Variants in LNPEP observed in about 807,000 individuals in gnomAD.
LNPEP encodes leucyl-cystinyl aminopeptidase.
A neutral mutation model predicts 120.6 loss-of-function variants in LNPEP; 64 were observed. The ratio of observed to expected loss-of-function variants is 0.53; its 90% CI spans 0.43 to 0.65. LNPEP has a LOEUF of 0.65. LNPEP is among the 30% of genes least tolerant of loss of function. The pLI is 0.00. For synonymous variants in LNPEP, 435 were observed against 425.4 expected (o/e 1.02, Z -0.28); for missense variants, 1,057 against 1,200.0 (o/e 0.88, Z 1.76).
At chr5:97,026,542 T>A (rs756116460) in intron 15 of LNPEP, 75 bp from the exon 16 acceptor site, 278 of 1,192,674 alleles carry the variant, frequency 2.3e-4, no homozygotes, top group Non-Finnish European at 3.2e-4. Context: ...GAAACCATAC[T>A]AATTTTAATT....
rs543831245 is a variant in LNPEP, at chr5:96,951,271, G to A, written c.19+15097G>A. Among the ~76,000 whole-genome samples, 1,108 of 150,434 alleles carry A rather than the reference G, an allele frequency of 7.4e-3. 16 individuals are homozygous for A. The highest frequency in any genetic ancestry group is 0.026 in the African/African-American group (1,053 of 41,002). On this transcript the variant is annotated intron_variant, in intron 1 of 17. Coordinates refer to ENST00000231368, the MANE Select transcript of LNPEP (RefSeq NM_005575.3). ...GCTTTTTTTCTTTTTTTGGCGGGGG[G>A]CGCGGGGGACAGAGTCTTGCTCTGC...
chr5:97,011,130 T>G, intron 11 of LNPEP: 1 of 985,368 alleles, frequency 1.0e-6, no homozygotes, highest in Non-Finnish European at 1.2e-6. Context: ...ATCCATCTAG[T>G]GGAACAATTG....
chr5:96,999,806 A>G (rs1042119351), intron 8 of LNPEP, among the ~76,000 whole-genome samples: 1 of 151,730 alleles, frequency 6.6e-6, no homozygotes, highest in Non-Finnish European at 1.5e-5. Context: ...GAATTTGGCA[A>G]AAATATTCTG....
intron 14 of LNPEP, 85 bp from the exon 15 acceptor site, chr5:97,024,436 C>G: frequency 7.7e-7 from 1 of 1,297,748 alleles, no homozygotes; most frequent in African/African-American, 1.5e-5. Flanking sequence ...AACCCTCACA[C>G]CAGAAACTCC....
chr5:96,946,511 T>C (rs1390062004), intron 1 of LNPEP, among the ~76,000 whole-genome samples: 4 of 152,252 alleles, frequency 2.6e-5, no homozygotes, highest in African/African-American at 9.6e-5. Flanking sequence ...TTTTAATTAA[T>C]TACCAATTCA....
In LNPEP at chr5:97,024,610, T is replaced by C; in HGVS notation, c.2651T>C (p.Ile884Thr). The change falls in exon 15 of 18, where the codon ATA becomes ACA. Residue 884 changes from isoleucine to threonine, a missense_variant. Ile to Thr is a moderately conservative substitution (Grantham distance 89). Coordinates refer to ENST00000231368, the MANE Select transcript of LNPEP (RefSeq NM_005575.3). ...WSFLLGKYIS[I>T]GSEAEKNKIL... Reference sequence around the variant, plus strand: ...TTCCTTTTGGGCAAATACATTTCTATAGGCTCTGAAGCAGAGAAGAACAAA... The same window carrying C: ...TTCCTTTTGGGCAAATACATTTCTACAGGCTCTGAAGCAGAGAAGAACAAA... The C allele has an allele frequency of 6.2e-7, 1 of 1,614,092 alleles. No individual in the cohort carries two copies.
At chr5:97,006,340 C>A in intron 10 of LNPEP, 87 bp from the exon 11 acceptor site, 2 of 1,260,226 alleles carry the variant, frequency 1.6e-6, no homozygotes, top group Non-Finnish European at 2.3e-6. Flanking sequence ...AAGATTATCC[C>A]TTCCTAGGAA....
At chr5:97,006,042 A>AG in intron 9 of LNPEP, 31 bp from the exon 10 acceptor site, 1 of 745,576 alleles carries the variant, frequency 1.3e-6, no homozygotes, top group Non-Finnish European at 1.7e-6. Context: ...TTAAGGAAAA[A>AG]GTTTTATATA....
chr5:96,951,485 C>T (rs963316233), intron 1 of LNPEP, among the ~76,000 whole-genome samples: 2 of 152,104 alleles, frequency 1.3e-5, no homozygotes, highest in African/African-American at 2.4e-5. Flanking sequence ...GTCTCGATCT[C>T]CTGACCTCGT....
At chr5:97,010,580 T>C in intron 11 of LNPEP, 3 of 985,298 alleles carry the variant, frequency 3.0e-6, no homozygotes, top group African/African-American at 1.7e-5. Flanking sequence ...AACGGGTTTT[T>C]TAGTTTCAGA....
intron 4 of LNPEP, among the ~76,000 whole-genome samples, chr5:96,989,687 C>G (rs1000750915): frequency 3.3e-5 from 5 of 151,862 alleles, no homozygotes; most frequent in African/African-American, 4.8e-5. Flanking sequence ...TCAAGACTTT[C>G]TTTGCTGAGC....
rs752387322 is a variant in LNPEP at position 97,013,717 on chromosome 5, T to C, written c.2105T>C (p.Val702Ala). 2 of 1,608,824 alleles carry C rather than the reference T, an allele frequency of 1.2e-6. No individual in the cohort carries two copies. Among genetic ancestry groups the C allele is most frequent in the Non-Finnish European group, 1.7e-6 (2 of 1,176,124 alleles). Reference protein sequence around the residue: ...VNINMNGYYIVHYADDDWEAL... With the variant: ...VNINMNGYYIAHYADDDWEAL... ...ATAAACATGAATGGTTATTATATTGTACACTATGCAGATGATGATTGGGAA... is the reference window on the plus strand; with the variant it reads ...ATAAACATGAATGGTTATTATATTGCACACTATGCAGATGATGATTGGGAA... Residue 702 changes from valine to alanine, a missense_variant, in exon 12 of 18, where the codon GTA becomes GCA. Val to Ala is a moderately conservative substitution (Grantham distance 64). Coordinates refer to ENST00000231368, the MANE Select transcript of LNPEP (RefSeq NM_005575.3).
intron 12 of LNPEP, 115 bp from the exon 13 acceptor site, chr5:97,014,824 T>C: frequency 1.7e-6 from 1 of 587,520 alleles, no homozygotes; most frequent in South Asian, 6.5e-5. Flanking sequence ...CCACTGTAAG[T>C]TTAAATTTTT....
chr5:97,024,369 A>G, intron 14 of LNPEP, 152 bp from the exon 15 acceptor site: 1 of 648,204 alleles, frequency 1.5e-6, no homozygotes, highest in Middle Eastern at 3.3e-4. Flanking sequence ...GATAGCAGTC[A>G]CTGAATTAAA....
intron 17 of LNPEP, 23 bp downstream of exon 17, chr5:97,027,837 A>C: frequency 6.9e-7 from 1 of 1,452,942 alleles, no homozygotes; most frequent in East Asian, 2.3e-5. Context: ...AAATGATAAT[A>C]CAGAGACTGG....
intron 1 of LNPEP, among the ~76,000 whole-genome samples, chr5:96,961,483 T>G (rs1269239437): frequency 2.0e-5 from 3 of 152,178 alleles, no homozygotes; most frequent in Non-Finnish European, 4.4e-5. Context: ...GTAATAGGAT[T>G]AGAGATTCTC....
At position 97,027,852 on chromosome 5, in the gene LNPEP, C is replaced by G. The variant is rs760437983; in HGVS notation, c.2946+38C>G. On this transcript the variant is annotated intron_variant, in intron 17 of 17. Coordinates refer to ENST00000231368, the MANE Select transcript of LNPEP (RefSeq NM_005575.3). ...AAATGATAATACAGAGACTGGGCAA[C>G]CCTCCGCACACCCGGACCAGGCTGC... 9.0e-6 allele frequency: 11 copies of G among 1,222,636 alleles called. No homozygotes were observed. The South Asian group carries it at 1.3e-4, about 15-fold the overall frequency. The allele number at this position is 1,222,636 out of a possible 1,614,324, so 75.7% of individuals were successfully genotyped here.
intron 1 of LNPEP, among the ~76,000 whole-genome samples, chr5:96,947,276 T>C (rs1789207395): frequency 6.6e-6 from 1 of 152,160 alleles, no homozygotes; most frequent in Admixed American, 6.5e-5. Context: ...AATATAAAGA[T>C]TTTTTGTTAA....
Position 96,979,308 on chromosome 5 carries a change from G to T in LNPEP, c.190G>T (p.Glu64Ter). Residue 64 changes from glutamate (E) to a stop codon, truncating the protein, a stop_gained, in exon 2 of 18, where the codon GAG (glutamate) becomes TAG (stop). Transcript: ENST00000231368. LOFTEE classifies it high-confidence loss of function. ...LVRGLGEHEM[E>*]EDEEDYESSA... is the part of the protein sequence containing the mutation. ...GCGGGGTCTTGGTGAGCATGAGATGGAGGAGGATGAAGAGGATTATGAGTC... is the reference window on the plus strand; with the variant it reads ...GCGGGGTCTTGGTGAGCATGAGATGTAGGAGGATGAAGAGGATTATGAGTC... The T allele has an allele frequency of 6.2e-7, 1 of 1,614,028 alleles. No individual in the cohort carries two copies. Among genetic ancestry groups the T allele is most frequent in the Non-Finnish European group, 8.5e-7 (1 of 1,179,934 alleles).
Sources: gnomAD v4.1 joint callset for allele counts (sites outside exome capture counted in the v4.1 genomes callset) on GRCh38, gnomAD v4.1.1 for gene constraint, MANE v1.5 for transcripts, NCBI Gene and HGNC (gene_info 2026-07-23, HGNC 2026-07-21) for gene names.